OSBPL9: variants seen among roughly 807,000 people sequenced by gnomAD.
OSBPL9 encodes oxysterol binding protein like 9, also known as oxysterol-binding protein-related protein 9.
Under a neutral mutation model 106.6 loss-of-function variants are expected in OSBPL9, and 40 were observed. That is an observed-to-expected ratio of 0.38 (90% confidence interval 0.29 to 0.49). The LOEUF (loss-of-function observed/expected upper bound fraction) is 0.49, where lower values mean the gene tolerates loss of function less well. Among genes scored for constraint, OSBPL9 ranks in the 20% least tolerant of loss-of-function variants. OSBPL9 has a pLI of 0.97. For missense variants in OSBPL9, 609 were observed against 887.2 expected, an observed-to-expected ratio of 0.69 and a Z score of 3.98; for synonymous variants, 269 against 295.4, an observed-to-expected ratio of 0.91 and a Z score of 0.92.
chr1:51,787,693 A>G lies in OSBPL9; in HGVS notation c.2137-22A>G, dbSNP rs559721667. ...AAGTACAAAGCAAATATGTAACTAA[A>G]TTCTTCCTCTTTGTCTTACAGTTAT... On this transcript the variant is annotated intron_variant, in intron 23 of 23. Transcript: ENST00000428468. 5 of 1,608,240 alleles carry G rather than the reference A, an allele frequency of 3.1e-6. No individual in the cohort carries two copies. The South Asian group carries it at 4.4e-5, about 14-fold the overall frequency.
At chr1:51,556,094 T>A in the OSBPL9 span, among the ~76,000 whole-genome samples, 1 of 150,596 alleles carries the variant, frequency 6.6e-6, no homozygotes, top group African/African-American at 2.5e-5. Flanking sequence ...GTTTGCTCAA[T>A]CCCTGTAAGC....
At chr1:51,650,238 G>C (rs1276739512) in intron 1 of OSBPL9, among the ~76,000 whole-genome samples, 1 of 152,104 alleles carries the variant, frequency 6.6e-6, no homozygotes, top group Non-Finnish European at 1.5e-5. Flanking sequence ...ACTGGGACCT[G>C]TCTTGCCTTT....
At chr1:51,617,720 C>A (rs544933611) in intron 1 of OSBPL9, among the ~76,000 whole-genome samples, 1 of 152,264 alleles carries the variant, frequency 6.6e-6, no homozygotes, top group Admixed American at 6.5e-5. Flanking sequence ...GACCAGCCCT[C>A]GGGCAACACC....
At chr1:51,749,982 G>T (rs1668899728) in intron 7 of OSBPL9, among the ~76,000 whole-genome samples, 163 bp from the exon 8 acceptor site, 2 of 151,002 alleles carry the variant, frequency 1.3e-5, no homozygotes, top group South Asian at 4.2e-4. Flanking sequence ...ACTTCATTTG[G>T]CATTATCAGC....
chr1:51,640,356 G>C (rs1376991463), intron 1 of OSBPL9, among the ~76,000 whole-genome samples: 31 of 152,122 alleles, frequency 2.0e-4, no homozygotes, highest in Admixed American at 2.0e-3. Context: ...TTAGTACTTA[G>C]TATGTGCTAG....
chr1:51,729,597 T>C lies in OSBPL9; in HGVS notation c.318+15518T>C, dbSNP rs951493162. On this transcript the variant is annotated intron_variant, in intron 4 of 23. Transcript: ENST00000428468. This position sits in a 1 kb window ranked among gnomAD's most constrained non-coding sequence, Gnocchi z 5.1. ...TGGGTCGCGGGTCTGGGCGGGGCGCTCCGGACGCCCTCCCGCCGCTGCGCA... is the reference window on the plus strand; with the variant it reads ...TGGGTCGCGGGTCTGGGCGGGGCGCCCCGGACGCCCTCCCGCCGCTGCGCA... 3.7e-5 allele frequency: 7 copies of C among 187,332 alleles called. No homozygotes were observed. The highest frequency in any genetic ancestry group is 1.2e-4 in the African/African-American group (5 of 42,790). The allele number at this position is 187,332 out of a possible 1,614,324, so 11.6% of individuals were successfully genotyped here.
intron 1 of OSBPL9, among the ~76,000 whole-genome samples, chr1:51,635,165 G>T (rs1283407566): frequency 6.6e-6 from 1 of 152,180 alleles, no homozygotes; most frequent in African/African-American, 2.4e-5. Context: ...ACTTCGAAAA[G>T]TGTGTCAAGA....
intron 3 of OSBPL9, among the ~76,000 whole-genome samples, chr1:51,710,315 G>A (rs1212288370): frequency 6.6e-6 from 1 of 152,150 alleles, no homozygotes; most frequent in Non-Finnish European, 1.5e-5. Flanking sequence ...CTTTTGCACA[G>A]TGAGTATTTG....
At chr1:51,784,066 G>T (rs1416519806) in intron 18 of OSBPL9, 41 bp downstream of exon 18, 5 of 1,531,768 alleles carry the variant, frequency 3.3e-6, no homozygotes, top group Admixed American at 1.7e-5. Context: ...TGTTATAGGA[G>T]AATTTTATGA....
At chr1:51,645,515 G>A (rs1338805583) in intron 1 of OSBPL9, among the ~76,000 whole-genome samples, 2 of 151,446 alleles carry the variant, frequency 1.3e-5, no homozygotes, top group African/African-American at 2.4e-5. Context: ...GTCTCATTCT[G>A]TTGCCCAGGC....
At chr1:51,558,302 A>G in the OSBPL9 span, among the ~76,000 whole-genome samples, 3 of 151,650 alleles carry the variant, frequency 2.0e-5, no homozygotes, top group African/African-American at 7.3e-5. Context: ...AAAAGATAAT[A>G]ACAGCCCCTT....
rs184680746 is a variant in OSBPL9 at position 51,745,383 on chromosome 1, A to G, written c.319-153A>G. 3.2e-3 allele frequency: 3,563 copies of G among 1,109,292 alleles called. 30 individuals are homozygous for G. Among genetic ancestry groups the G allele is most frequent in the Non-Finnish European group, 2.5e-3 (1,999 of 812,618 alleles). 68.7% of individuals were successfully genotyped at this position (1,109,292 alleles called of 1,614,324 possible). ...AAGATTGATGTACCACTGTTTAAATAGACCTAACTGTTAAATAGACCTATT... is the reference window on the plus strand; with the variant it reads ...AAGATTGATGTACCACTGTTTAAATGGACCTAACTGTTAAATAGACCTATT... On this transcript the variant is annotated intron_variant, in intron 4 of 23. Transcript: ENST00000428468.
intron 6 of OSBPL9, among the ~76,000 whole-genome samples, chr1:51,747,428 A>C (rs761364144): frequency 1.3e-5 from 2 of 152,212 alleles, no homozygotes; most frequent in Non-Finnish European, 2.9e-5. Flanking sequence ...AAAGCCATAT[A>C]TGAAGAAACA....
At chr1:51,543,638 A>T in the OSBPL9 span, among the ~76,000 whole-genome samples, 1 of 151,772 alleles carries the variant, frequency 6.6e-6, no homozygotes, top group South Asian at 2.1e-4. Context: ...CTCGTGATCC[A>T]CCCGCCTCAG....
At chr1:51,614,518 T>C (rs1006377870), upstream of OSBPL9, 1 of 152,164 alleles carries the variant, frequency 6.6e-6, no homozygotes, top group African/African-American at 2.4e-5. Flanking sequence ...TTGCCCAGGC[T>C]GGTCCCAAAC....
chr1:51,610,948 A>C (rs561576531), intron 2 of OSBPL9, among the ~76,000 whole-genome samples: 1 of 152,266 alleles, frequency 6.6e-6, no homozygotes, highest in South Asian at 2.1e-4. Context: ...ACACTGTTAC[A>C]TGTTTGTTCA....
rs147562178 is a variant in OSBPL9 at position 51,610,414 on chromosome 1, C to A, written c.-352-3891C>A. 1.9e-4 allele frequency among the ~76,000 whole-genome samples: 29 copies of A among 152,214 alleles called. No individual in the cohort carries two copies. The East Asian group carries it at 5.2e-3, about 27-fold the overall frequency. ...TAGCTGGGATTATAGGCGTGCACCA[C>A]CATGCCCAGCTAATTTTGTATTTTT... On this transcript the variant is annotated intron_variant, in intron 2 of 25. Transcript: ENST00000371714.
intron 3 of OSBPL9, among the ~76,000 whole-genome samples, chr1:51,677,553 T>TC (rs1457473308): frequency 6.6e-6 from 1 of 151,866 alleles, no homozygotes; most frequent in Non-Finnish European, 1.5e-5. Flanking sequence ...CGGAAAACTT[T>TC]TTTTTTTTTT....
intron 3 of OSBPL9, among the ~76,000 whole-genome samples, chr1:51,678,872 C>G (rs951123910): frequency 6.6e-6 from 1 of 152,158 alleles, no homozygotes; most frequent in African/African-American, 2.4e-5. Context: ...TGGTTGCAGG[C>G]TTAAAGATCT....
Sources: gnomAD v4.1 joint callset for allele counts (sites outside exome capture counted in the v4.1 genomes callset) on GRCh38, gnomAD v4.1.1 for gene constraint, Gnocchi (gnomAD v3.1) non-coding constraint, MANE v1.5 for transcripts, NCBI Gene and HGNC (gene_info 2026-07-23, HGNC 2026-07-21) for gene names.